The following VPS39 variants were observed in gnomAD, a reference collection of about 807,000 sequenced individuals.
VPS39 encodes vam6/Vps39-like protein.
VPS39 carries 70 observed loss-of-function variants against 121.0 expected under a neutral mutation model. That is an observed-to-expected ratio of 0.58 (90% CI 0.48 to 0.71). VPS39 has a LOEUF of 0.71. Ranked by LOEUF, VPS39 falls within the 30% of genes least tolerant of loss-of-function variation. The probability of loss-of-function intolerance (pLI) is 0.00; values close to 1 mark genes in which losing one functional copy is unlikely to be tolerated. For missense variants in VPS39, 818 were observed against 1,051.5 expected (o/e 0.78, Z 3.07); for synonymous variants, 378 against 398.1 (o/e 0.95, Z 0.60).
intron 2 of VPS39, among the ~76,000 whole-genome samples, chr15:42,194,948 A>C (rs1440485329): frequency 1.9e-4 from 28 of 149,796 alleles, no homozygotes; most frequent in Admixed American, 1.3e-3. Flanking sequence ...AAAAAAAAAA[A>C]AACAAAAAAC....
In VPS39 at chr15:42,199,822, G is replaced by T. The variant is rs374541280; in HGVS notation, c.139+74C>A. The T allele has an allele frequency of 1.8e-5, 26 of 1,445,948 alleles. No homozygotes were observed. The African/African-American group carries it at 3.6e-4, about 20-fold the overall frequency. The allele number at this position is 1,445,948 out of a possible 1,614,324, so 89.6% of individuals were successfully genotyped here. On this transcript the variant is annotated intron_variant, in intron 2 of 24. Coordinates refer to ENST00000318006, the MANE Select transcript of VPS39 (RefSeq NM_015289.5). Reference sequence around the variant, plus strand: ...TTCAATCTCTCTTTTAATGGTCCAGGAATAACTGATTTCACAGTTGTATAC... The same window carrying T: ...TTCAATCTCTCTTTTAATGGTCCAGTAATAACTGATTTCACAGTTGTATAC...
At chr15:42,177,666 A>ATT (rs59561616) in intron 10 of VPS39, among the ~76,000 whole-genome samples, 28 of 147,924 alleles carry the variant, frequency 1.9e-4, no homozygotes, top group Admixed American at 1.7e-3. Flanking sequence ...TCTCCCATTA[A>ATT]TTTTTTTTTT....
rs1380048999 is a variant in VPS39, at chr15:42,179,619, AAAT to A, written c.719-1052_719-1050del. Among the ~76,000 whole-genome samples the A allele has an allele frequency of 7.3e-5, 10 of 137,906 alleles. 1 individual carries two copies. Among genetic ancestry groups the A allele is most frequent in the East Asian group, 4.1e-4 (2 of 4,830 alleles). The allele number at this position is 137,906 out of a possible 152,430, so 90.5% of individuals were successfully genotyped here. ...TAAATAAATAAATAAATAAATAAATAAATAAAATAAAAAATAAAAAAAAAAGAA... is the reference window on the plus strand; with the variant it reads ...TAAATAAATAAATAAATAAATAAATAAAAATAAAAAATAAAAAAAAAAGAA... On this transcript the variant is annotated intron_variant, in intron 8 of 24. Coordinates refer to ENST00000318006, the MANE Select transcript of VPS39 (RefSeq NM_015289.5).
chr15:42,199,816 G>T, intron 2 of VPS39, 80 bp downstream of exon 2: 1 of 1,438,874 alleles, frequency 6.9e-7, no homozygotes, highest in Non-Finnish European at 9.4e-7. Context: ...TCTTTTAATG[G>T]TCCAGGAATA....
chr15:42,163,713 C>T lies in VPS39; in HGVS notation c.2042G>A (p.Arg681Gln), dbSNP rs541840149. Residue 681 changes from arginine (R) to glutamine (Q), a missense_variant, in exon 20 of 25, where the codon CGA becomes CAA. Transcript: ENST00000318006. ...DFPFDGLLEE[R>Q]ALLLGRMGKH... ...CCCCATGCGCCCCAACAGGAGAGCTCGTTCTTCTAAGAGGCCTAGGAGGAA... is the reference window on the plus strand; with the variant it reads ...CCCCATGCGCCCCAACAGGAGAGCTTGTTCTTCTAAGAGGCCTAGGAGGAA... 29 of 1,612,622 alleles carry T rather than the reference C, an allele frequency of 1.8e-5. No individual in the cohort carries two copies. The East Asian group carries it at 2.9e-4, about 16-fold the overall frequency.
chr15:42,174,508 A>G (rs1053998573), intron 10 of VPS39, among the ~76,000 whole-genome samples: 1 of 152,230 alleles, frequency 6.6e-6, no homozygotes, highest in Admixed American at 6.5e-5. Context: ...TGATTCTGGA[A>G]CAGAAAAAAG....
intron 10 of VPS39, among the ~76,000 whole-genome samples, chr15:42,177,949 G>T (rs916100276): frequency 2.6e-5 from 4 of 152,216 alleles, no homozygotes; most frequent in African/African-American, 7.2e-5. Flanking sequence ...TTACAGGCGT[G>T]AGCCACTGCT....
chr15:42,177,158 G>GGC, intron 10 of VPS39, among the ~76,000 whole-genome samples: 1 of 82,048 alleles, frequency 1.2e-5, no homozygotes. Flanking sequence ...GTGAGACCCT[G>GGC]TTTTAAAAAA....
At chr15:42,184,822 A>ACTCTGTAACATTTTCTT in intron 7 of VPS39, 122 bp from the exon 8 acceptor site, 1 of 943,364 alleles carries the variant, frequency 1.1e-6, no homozygotes. Flanking sequence ...GACATAAGAA[A>ACTCTGTAACATTTTCTT]ATGTTACAGA....
intron 21 of VPS39, among the ~76,000 whole-genome samples, chr15:42,162,887 G>A (rs574941865): frequency 8.5e-5 from 13 of 152,282 alleles, no homozygotes; most frequent in African/African-American, 2.4e-4. Context: ...ACCTCAGTGC[G>A]CATTCGGGGC....
intron 8 of VPS39, among the ~76,000 whole-genome samples, chr15:42,182,565 C>G (rs966911315): frequency 3.9e-5 from 6 of 152,200 alleles, no homozygotes; most frequent in Non-Finnish European, 8.8e-5. Flanking sequence ...AGGCACTGTA[C>G]TATGTAGTAA....
intron 7 of VPS39, 40 bp from the exon 8 acceptor site, chr15:42,184,740 G>A (rs1264523556): frequency 2.5e-5 from 39 of 1,568,506 alleles, no homozygotes; most frequent in Non-Finnish European, 2.8e-5. Flanking sequence ...GCATTCCCCA[G>A]CCAGAGGTAA....
At chr15:42,196,923 C>A (rs968644770) in intron 2 of VPS39, among the ~76,000 whole-genome samples, 32 of 151,958 alleles carry the variant, frequency 2.1e-4, no homozygotes, top group Admixed American at 1.9e-3. Context: ...TGGAACCAAC[C>A]CAAATGTCCA....
chr15:42,176,716 G>A (rs2049458584), intron 10 of VPS39, among the ~76,000 whole-genome samples: 1 of 152,108 alleles, frequency 6.6e-6, no homozygotes, highest in African/African-American at 2.4e-5. Context: ...GAACATATAT[G>A]TCCAAAGTAA....
At chr15:42,161,884 G>C in intron 23 of VPS39, 111 bp from the exon 24 acceptor site, 2 of 1,584,824 alleles carry the variant, frequency 1.3e-6, no homozygotes, top group Non-Finnish European at 8.6e-7. Context: ...CTTCTGCTTA[G>C]AACATTGGCA....
intron 12 of VPS39, among the ~76,000 whole-genome samples, chr15:42,168,884 G>T (rs2049296633): frequency 6.6e-6 from 1 of 152,104 alleles, no homozygotes; most frequent in South Asian, 2.1e-4. Flanking sequence ...GCATTCTGGA[G>T]ACCTCTTACA....
In VPS39 at chr15:42,173,106, CACTT is replaced by C. The variant is rs766285747; in HGVS notation, c.1090+613_1090+616del. Reference sequence around the variant, plus strand: ...GAAATTCAATACTAATAACATCAAACACTTACAGAGCACTTGTTAAGTGCCACAC... The same window carrying C: ...GAAATTCAATACTAATAACATCAAACACAGAGCACTTGTTAAGTGCCACAC... On this transcript the variant is annotated intron_variant, in intron 11 of 24. Coordinates refer to ENST00000318006, the MANE Select transcript of VPS39 (RefSeq NM_015289.5). 4.6e-5 allele frequency among the ~76,000 whole-genome samples: 7 copies of C among 152,344 alleles called. No individual in the cohort carries two copies. In the East Asian group the frequency reaches 9.6e-4, roughly 21 times the overall value.
intron 2 of VPS39, among the ~76,000 whole-genome samples, chr15:42,193,702 A>G (rs1364882797): frequency 2.0e-5 from 3 of 152,184 alleles, no homozygotes; most frequent in Admixed American, 6.5e-5. Flanking sequence ...TCATCAGAAA[A>G]AATCTTTAAT....
chr15:42,161,975 A>G (rs1429531111), intron 23 of VPS39, 57 bp downstream of exon 23: 2 of 1,609,664 alleles, frequency 1.2e-6, no homozygotes, highest in African/African-American at 2.7e-5. Context: ...ACATGTGGAC[A>G]TTGTCTCATA....
Sources: gnomAD v4.1 joint callset for allele counts (sites outside exome capture counted in the v4.1 genomes callset) on GRCh38, gnomAD v4.1.1 for gene constraint, MANE v1.5 for transcripts, NCBI Gene and HGNC (gene_info 2026-07-23, HGNC 2026-07-21) for gene names.